Variants in CHD8 observed in about 807,000 individuals in gnomAD.
CHD8 encodes ATP-dependent chromatin remodeler CHD8.
A neutral mutation model predicts 279.2 loss-of-function variants in CHD8; 31 were observed. The observed-to-expected ratio is 0.11, with a 90% CI of 0.08 to 0.15. The LOEUF (loss-of-function observed/expected upper bound fraction) is 0.15, where lower values mean the gene tolerates loss of function less well. Ranked by LOEUF, CHD8 falls within the 10% of genes least tolerant of loss-of-function variation. The probability of loss-of-function intolerance (pLI) is 1.00; values close to 1 mark genes in which losing one functional copy is unlikely to be tolerated. For missense variants in CHD8, 2,146 were observed against 3,230.5 expected (o/e 0.66, Z 8.14); for synonymous variants, 1,081 against 1,139.6 (o/e 0.95, Z 1.04).
intron 1 of CHD8, among the ~76,000 whole-genome samples, chr14:21,440,225 GA>G (rs1366495357): frequency 1.8e-4 from 28 of 151,758 alleles, no homozygotes; most frequent in African/African-American, 6.5e-4. Context: ...TTTTTTTCTT[GA>G]GATGGAGTCT....
rs562637075 is a variant in CHD8 at position 21,448,880 on chromosome 14, A to G, written c.-216+7152T>C. Among the ~76,000 whole-genome samples, 180 of 146,858 alleles carry G rather than the reference A, an allele frequency of 1.2e-3. 1 individual carries two copies. The highest frequency in any genetic ancestry group is 4.2e-3 in the African/African-American group (170 of 40,648). On this transcript the variant is annotated intron_variant, in intron 1 of 37. Transcript: ENST00000646647. ...GCCTGGACCAGCACTGAACTTTTAA[A>G]AGGAGGAGGCTGGGCTGGGCACGGT...
intron 1 of CHD8, among the ~76,000 whole-genome samples, chr14:21,452,712 G>A (rs191514150): frequency 1.1e-4 from 16 of 151,888 alleles, no homozygotes; most frequent in East Asian, 7.8e-4. Flanking sequence ...TCAGCCGGGC[G>A]CAGTGGCTGA....
At position 21,415,934 on chromosome 14, in the gene CHD8, A is replaced by G. The variant is rs1460137681; in HGVS notation, c.1717-27T>C. 1.9e-6 allele frequency: 3 copies of G among 1,593,100 alleles called. No homozygotes were observed. The South Asian group carries it at 3.4e-5, about 18-fold the overall frequency. ...TGTAGAGCAAAAAGTAGTTAGAGTG[A>G]CTAGTTAGGTCTCTCACAGAGAAGA... On this transcript the variant is annotated intron_variant, in intron 5 of 37. Coordinates refer to ENST00000646647, the MANE Select transcript of CHD8 (RefSeq NM_001170629.2).
chr14:21,386,322 T>C (rs1172006981), intron 37 of CHD8, 146 bp from the exon 38 acceptor site: 11 of 690,924 alleles, frequency 1.6e-5, no homozygotes, highest in Non-Finnish European at 2.4e-5. Flanking sequence ...CTAGGCTTGA[T>C]TGGTGGTAAT....
rs746144179 is a variant in CHD8 at position 21,393,767 on chromosome 14, C to T, written c.6028G>A (p.Glu2010Lys). The change falls in exon 32 of 38, where the codon GAG becomes AAG. Residue 2010 changes from glutamate to lysine, a missense_variant. Physicochemically the swap from Glu to Lys is moderately conservative, Grantham distance 56. This residue lies in a region of CHD8 where 513 missense variants were observed against 637.6 expected (regional missense o/e 0.80). Coordinates refer to ENST00000646647, the MANE Select transcript of CHD8 (RefSeq NM_001170629.2). ...RPDAPVEKSPEETATQVPSLE... is the reference protein window; with the variant it reads ...RPDAPVEKSPKETATQVPSLE... The stretch of plus-strand genomic sequence containing the variant: ...CTGGGGACCTGGGTAGCTGTCTCCT[C>T]GGGTGACTTTTCAACAGGAGCATCT... The T allele has an allele frequency of 6.2e-6, 10 of 1,613,868 alleles. No homozygotes were observed. The highest frequency in any genetic ancestry group is 2.2e-5 in the East Asian group (1 of 44,880).
intron 36 of CHD8, 38 bp from the exon 37 acceptor site, chr14:21,391,101 A>C: frequency 1.6e-6 from 2 of 1,255,600 alleles, no homozygotes; most frequent in East Asian, 2.5e-5. Flanking sequence ...GAGGAATAGA[A>C]ATCTTCTCTG....
Position 21,430,982 on chromosome 14 carries a change from T to C in CHD8, c.662A>G (p.Asn221Ser), listed in dbSNP as rs1207265221. The change falls in exon 2 of 38, where the codon AAT becomes AGT. Residue 221 changes from asparagine (N) to serine (S), a missense_variant. Transcript: ENST00000646647. ...LRPGVSIVSG[N>S]TVLAAKVPGN... is the part of the protein sequence containing the mutation. ...AGGGACCTTGGCGGCCAACACTGTA[T>C]TACCAGAGACAATGGAAACACCTGG... 1.9e-6 allele frequency: 3 copies of C among 1,599,580 alleles called. No homozygotes were observed. The highest frequency in any genetic ancestry group is 1.1e-5 in the South Asian group (1 of 91,072).
At chr14:21,419,719 C>A in intron 5 of CHD8, 1 of 243,030 alleles carries the variant, frequency 4.1e-6, no homozygotes, top group South Asian at 4.2e-5. Flanking sequence ...GGACAACCCC[C>A]CAGGGGCACA....
chr14:21,426,430 TG>T, intron 4 of CHD8, 188 bp from the exon 5 acceptor site: 2 of 564,230 alleles, frequency 3.5e-6, no homozygotes, highest in Middle Eastern at 4.7e-4. Flanking sequence ...TGTAAACCAC[TG>T]ACTGACCCTT....
intron 20 of CHD8, 54 bp from the exon 21 acceptor site, chr14:21,401,567 A>C: frequency 9.2e-7 from 1 of 1,088,552 alleles, no homozygotes. Context: ...AAGTGGTGCA[A>C]AATCAGCAAT....
intron 29 of CHD8, 87 bp downstream of exon 29, chr14:21,395,211 G>T (rs1887723989): frequency 1.3e-6 from 2 of 1,524,856 alleles, no homozygotes; most frequent in East Asian, 4.6e-5. Flanking sequence ...AAAGCTCTTA[G>T]AAATCCCAGG....
At chr14:21,399,343 T>C in intron 26 of CHD8, 1 of 455,870 alleles carries the variant, frequency 2.2e-6, no homozygotes. Flanking sequence ...TACAGTGCGG[T>C]AACACACTGC....
At chr14:21,398,129 A>G (rs1734569196) in intron 26 of CHD8, 177 bp from the exon 27 acceptor site, 1 of 491,578 alleles carries the variant, frequency 2.0e-6, no homozygotes, top group Non-Finnish European at 3.3e-6. Flanking sequence ...TTTTATAGCA[A>G]TTTAGAATCA....
At position 21,401,087 on chromosome 14, in the gene CHD8, AAGG is replaced by A. The variant is rs775153626; in HGVS notation, c.4174-19_4174-17del. ...CCAAATTATTCTATGAAGAGAACAG[AAGG>A]AGAAGTAATTCTCTTCCTGATTTGC... On this transcript the variant is annotated splice_polypyrimidine_tract_variant and intron_variant, in intron 21 of 37. Coordinates refer to ENST00000646647, the MANE Select transcript of CHD8 (RefSeq NM_001170629.2). 6 of 1,555,016 alleles carry A rather than the reference AAGG, an allele frequency of 3.9e-6. No individual in the cohort carries two copies. Among genetic ancestry groups the A allele is most frequent in the Non-Finnish European group, 3.5e-6 (4 of 1,145,390 alleles).
At chr14:21,439,362 C>A (rs1057429762) in intron 1 of CHD8, among the ~76,000 whole-genome samples, 1 of 152,198 alleles carries the variant, frequency 6.6e-6, no homozygotes, top group Non-Finnish European at 1.5e-5. Flanking sequence ...AAAACCTCAA[C>A]AGTCTCTAAA....
chr14:21,445,476 T>G (rs917707190), intron 1 of CHD8, among the ~76,000 whole-genome samples: 1 of 149,132 alleles, frequency 6.7e-6, no homozygotes. Flanking sequence ...AGGTCAGGAG[T>G]TCGTTCAAGA....
chr14:21,391,960 C>G lies in CHD8; in HGVS notation c.6772-14G>C. ...CAATCCTTCCTCCTAGGAAGACAACCCACCCACCCAAGACATCATATGGTA... is the reference window on the plus strand; with the variant it reads ...CAATCCTTCCTCCTAGGAAGACAACGCACCCACCCAAGACATCATATGGTA... On this transcript the variant is annotated splice_polypyrimidine_tract_variant and intron_variant, in intron 34 of 37. Transcript: ENST00000646647. 6.4e-7 allele frequency: 1 copy of G among 1,557,608 alleles called. No homozygotes were observed. The highest frequency in any genetic ancestry group is 8.9e-7 in the Non-Finnish European group (1 of 1,128,726).
chr14:21,419,821 G>A, intron 5 of CHD8: 1 of 378,488 alleles, frequency 2.6e-6, no homozygotes, highest in Admixed American at 3.2e-5. Flanking sequence ...ACATCCCCGA[G>A]GGATCTGCCC....
intron 20 of CHD8, 160 bp from the exon 21 acceptor site, chr14:21,401,673 C>T (rs543869633): frequency 1.4e-3 from 797 of 587,882 alleles, no homozygotes; most frequent in Non-Finnish European, 1.9e-3. Flanking sequence ...CAACCTCCAC[C>T]CCCTGGGTTC....
Sources: allele counts gnomAD v4.1 joint callset (sites outside exome capture counted in the v4.1 genomes callset), GRCh38; gene constraint gnomAD v4.1.1; regional missense constraint gnomAD v4.1.1; transcripts MANE v1.5; gene names NCBI Gene and HGNC (gene_info 2026-07-23, HGNC 2026-07-21).